The following VIT variants were observed in gnomAD, a reference collection of about 807,000 sequenced individuals.
The protein encoded by VIT is vitrin.
VIT carries 99 observed loss-of-function variants against 78.0 expected under a neutral mutation model. The observed-to-expected ratio is 1.27, with a 90% confidence interval of 1.08 to 1.50. The LOEUF is 1.50. Among genes scored for constraint, VIT ranks in the 40% most tolerant of loss-of-function variants. The pLI, the probability that VIT is intolerant of heterozygous loss-of-function variation, is 0.00. For synonymous variants in VIT, 374 were observed against 334.3 expected (o/e 1.12, Z -1.29); for missense variants, 1,126 against 875.3 (o/e 1.29, Z -3.61).
intron 15 of VIT, among the ~76,000 whole-genome samples, chr2:36,812,956 G>A (rs1414660948): frequency 6.8e-6 from 1 of 146,374 alleles, no homozygotes; most frequent in Admixed American, 6.7e-5. Flanking sequence ...ATGCCTCTGA[G>A]GTTCAAGTGA....
At chr2:36,794,352 A>G (rs750251688) in intron 12 of VIT, among the ~76,000 whole-genome samples, 1 of 152,158 alleles carries the variant, frequency 6.6e-6, no homozygotes, top group Non-Finnish European at 1.5e-5. Flanking sequence ...TAGTGTTTGC[A>G]TTTAATAAGA....
At chr2:36,809,644 C>T (rs1667005719) in intron 15 of VIT, among the ~76,000 whole-genome samples, 1 of 152,184 alleles carries the variant, frequency 6.6e-6, no homozygotes, top group Admixed American at 6.5e-5. Flanking sequence ...TCTCGAACTC[C>T]TGACAGGTGA....
intron 15 of VIT, among the ~76,000 whole-genome samples, chr2:36,812,852 T>C (rs1667275503): frequency 7.3e-6 from 1 of 136,086 alleles, no homozygotes; most frequent in Non-Finnish European, 1.5e-5. Flanking sequence ...GGTTTTGTTT[T>C]TTCTTCTTCT....
chr2:36,748,047 G>A (rs185695703), intron 4 of VIT, among the ~76,000 whole-genome samples: 1 of 152,312 alleles, frequency 6.6e-6, no homozygotes, highest in Non-Finnish European at 1.5e-5. Flanking sequence ...GCTGAGAATA[G>A]GCTCCCAATC....
intron 8 of VIT, chr2:36,774,618 G>T: frequency 1.0e-6 from 1 of 985,418 alleles, no homozygotes; most frequent in Non-Finnish European, 1.2e-6. Context: ...ATAGGAACAG[G>T]GGCCCAATGG....
At chr2:36,710,585 T>C (rs1188255692) in intron 1 of VIT, among the ~76,000 whole-genome samples, 1 of 149,808 alleles carries the variant, frequency 6.7e-6, no homozygotes, top group Non-Finnish European at 1.5e-5. Flanking sequence ...TGGATACCAC[T>C]GATGTGCTCT....
chr2:36,709,168 CAA>C (rs904867590), intron 1 of VIT, among the ~76,000 whole-genome samples: 2 of 152,010 alleles, frequency 1.3e-5, no homozygotes, highest in African/African-American at 4.8e-5. Context: ...ATAAATAAAA[CAA>C]TATCGATGTC....
rs146748633 is a variant in VIT, at chr2:36,808,826, T to C, written c.1744T>C (p.Tyr582His). 8.7e-6 allele frequency: 14 copies of C among 1,614,204 alleles called. No homozygotes were observed. The African/African-American group carries it at 1.9e-4, about 22-fold the overall frequency. ...CCTCAACGCCATCAAGAGGGTGGGC[T>C]ACTGGAGTGGTGGCACCAGCACGGG... ...DILNAIKRVG[Y>H]WSGGTSTGAA... Residue 582 changes from tyrosine (Y) to histidine (H), a missense_variant, in exon 15 of 16, where the codon TAC becomes CAC. Coordinates refer to ENST00000379242, the MANE Select transcript of VIT (RefSeq NM_053276.4).
intron 12 of VIT, among the ~76,000 whole-genome samples, chr2:36,799,019 G>A (rs1055646877): frequency 4.6e-5 from 7 of 152,152 alleles, no homozygotes; most frequent in African/African-American, 9.7e-5. Context: ...ATAGAACCTG[G>A]TTTTCTTCTG....
chr2:36,743,050 G>T lies in VIT; in HGVS notation c.119-50G>T, dbSNP rs186376890. 1.2e-5 allele frequency: 20 copies of T among 1,606,086 alleles called. 1 individual carries two copies. The African/African-American group carries it at 2.4e-4, about 19-fold the overall frequency. Reference sequence around the variant, plus strand: ...TGAGACCTAACAGTGTCACCCCACAGATAAACTAATAGCACAAGGTGTAAT... The same window carrying T: ...TGAGACCTAACAGTGTCACCCCACATATAAACTAATAGCACAAGGTGTAAT... On this transcript the variant is annotated intron_variant, in intron 3 of 15. Transcript: ENST00000379242.
In VIT at chr2:36,767,142, C is replaced by T. The variant is rs1669478866; in HGVS notation, c.536C>T (p.Ala179Val). Residue 179 changes from alanine to valine, a missense_variant, in exon 7 of 16, where the codon GCA becomes GTA. Transcript: ENST00000379242. ...AGGCCACCTATTCCAGGGACAACTG[C>T]ACAGCCGGTCACTCTGATGCAGCTT... ...YQRPPIPGTT[A>V]QPVTLMQLLA... 1 of 1,607,630 alleles carries T rather than the reference C, an allele frequency of 6.2e-7. No individual in the cohort carries two copies. Among genetic ancestry groups the T allele is most frequent in the Non-Finnish European group, 8.5e-7 (1 of 1,177,420 alleles).
chr2:36,784,945 A>G (rs1462185226), intron 11 of VIT, among the ~76,000 whole-genome samples: 1 of 152,252 alleles, frequency 6.6e-6, no homozygotes, highest in Non-Finnish European at 1.5e-5. Flanking sequence ...CAGTGAGTAA[A>G]GAGAATTAAG....
chr2:36,727,392 G>A (rs928774554), intron 2 of VIT, among the ~76,000 whole-genome samples: 1 of 152,212 alleles, frequency 6.6e-6, no homozygotes, highest in Non-Finnish European at 1.5e-5. Flanking sequence ...TTGGAGATTG[G>A]CCATCTGGAA....
At chr2:36,746,772 T>C (rs1183268462) in intron 4 of VIT, among the ~76,000 whole-genome samples, 1 of 152,182 alleles carries the variant, frequency 6.6e-6, no homozygotes, top group East Asian at 1.9e-4. Flanking sequence ...ATTGATGTTT[T>C]ATATGGATTT....
At chr2:36,707,936 C>A (rs999578452) in intron 1 of VIT, among the ~76,000 whole-genome samples, 1 of 151,990 alleles carries the variant, frequency 6.6e-6, no homozygotes, top group Non-Finnish European at 1.5e-5. Flanking sequence ...ACTACTGTCC[C>A]CTCTGGCACT....
chr2:36,715,454 T>C (rs1666066198), intron 1 of VIT, among the ~76,000 whole-genome samples: 1 of 151,690 alleles, frequency 6.6e-6, no homozygotes. Context: ...CAGAATTGCT[T>C]AAACTCGGGA....
At chr2:36,785,844 A>G (rs1197258354) in intron 11 of VIT, among the ~76,000 whole-genome samples, 1 of 152,220 alleles carries the variant, frequency 6.6e-6, no homozygotes, top group African/African-American at 2.4e-5. Flanking sequence ...TCTCCTAATC[A>G]CAGTTCTGCA....
At chr2:36,746,994 G>A (rs1359969594) in intron 4 of VIT, among the ~76,000 whole-genome samples, 1 of 152,050 alleles carries the variant, frequency 6.6e-6, no homozygotes, top group Non-Finnish European at 1.5e-5. Context: ...ATTTTGGTAT[G>A]TTGTGTCTCT....
chr2:36,754,383 T>C (rs1044103702), intron 4 of VIT, among the ~76,000 whole-genome samples: 1 of 152,162 alleles, frequency 6.6e-6, no homozygotes, highest in Non-Finnish European at 1.5e-5. Flanking sequence ...TCAGTCACCG[T>C]CCCATCAGGA....
Sources: allele counts gnomAD v4.1 joint callset (sites outside exome capture counted in the v4.1 genomes callset), GRCh38; gene constraint gnomAD v4.1.1; transcripts MANE v1.5; gene names NCBI Gene and HGNC (gene_info 2026-07-23, HGNC 2026-07-21).